Variants in ASCC3 observed in about 807,000 individuals in gnomAD.
The protein encoded by ASCC3 is ASC-1 complex subunit P200.
A neutral mutation model predicts 256.3 loss-of-function variants in ASCC3; 158 were observed. The ratio of observed to expected loss-of-function variants is 0.62; its 90% CI spans 0.54 to 0.70. The LOEUF (loss-of-function observed/expected upper bound fraction) is 0.70, where lower values mean the gene tolerates loss of function less well. ASCC3 is among the 30% of genes least tolerant of loss of function. The probability of loss-of-function intolerance (pLI) is 0.00; values close to 1 mark genes in which losing one functional copy is unlikely to be tolerated. For synonymous variants in ASCC3, 948 were observed against 883.4 expected, an observed-to-expected ratio of 1.07 and a Z score of -1.30; for missense variants, 2,259 against 2,626.0, an observed-to-expected ratio of 0.86 and a Z score of 3.05.
chr6:100,831,603 A>T (rs1771622732), intron 4 of ASCC3, among the ~76,000 whole-genome samples: 1 of 152,180 alleles, frequency 6.6e-6, no homozygotes, highest in African/African-American at 2.4e-5. Flanking sequence ...AAAAAAGTTG[A>T]ACTACCATCA....
intron 1 of ASCC3, among the ~76,000 whole-genome samples, chr6:100,878,735 G>T (rs936849749): frequency 2.0e-5 from 3 of 152,186 alleles, no homozygotes; most frequent in African/African-American, 7.2e-5. Context: ...CTGCCCTCTT[G>T]TGAGAGTGGA....
intron 5 of ASCC3, among the ~76,000 whole-genome samples, chr6:100,805,355 C>A (rs1350311785): frequency 6.6e-6 from 1 of 151,922 alleles, no homozygotes; most frequent in Non-Finnish European, 1.5e-5. Flanking sequence ...CTAGGGATTC[C>A]AAAAGGGGAG....
chr6:100,565,917 C>CT (rs1301421089), intron 36 of ASCC3, among the ~76,000 whole-genome samples: 3 of 152,002 alleles, frequency 2.0e-5, no homozygotes, highest in South Asian at 2.1e-4. Flanking sequence ...AGACTGTGTA[C>CT]TTTTTTTTAT....
chr6:100,627,450 A>G, intron 29 of ASCC3, 140 bp downstream of exon 29: 2 of 1,108,356 alleles, frequency 1.8e-6, no homozygotes, highest in Non-Finnish European at 2.6e-6. Context: ...GTATTCCTTA[A>G]CAGTTGAGAC....
At chr6:100,668,001 A>G (rs1459777406) in intron 14 of ASCC3, among the ~76,000 whole-genome samples, 2 of 152,084 alleles carry the variant, frequency 1.3e-5, no homozygotes, top group African/African-American at 4.8e-5. Flanking sequence ...AAAAATAGAC[A>G]GTGGCCATTA....
intron 4 of ASCC3, among the ~76,000 whole-genome samples, chr6:100,846,954 G>C (rs913477888): frequency 6.6e-6 from 1 of 151,982 alleles, no homozygotes; most frequent in Non-Finnish European, 1.5e-5. Flanking sequence ...TTTATGTTCA[G>C]TAAATAGCAC....
intron 34 of ASCC3, among the ~76,000 whole-genome samples, chr6:100,592,149 A>AG (rs1345484368): frequency 6.6e-6 from 1 of 151,830 alleles, no homozygotes; most frequent in African/African-American, 2.4e-5. Context: ...CCAAAAAAAA[A>AG]AAAAAATCAA....
chr6:100,800,206 C>T, intron 6 of ASCC3, 94 bp downstream of exon 6: 6 of 1,365,326 alleles, frequency 4.4e-6, no homozygotes, highest in Non-Finnish European at 5.2e-6. Flanking sequence ...AAGTAAAAAT[C>T]ATCTATACTG....
chr6:100,533,377 A>G (rs1203754900), intron 37 of ASCC3, among the ~76,000 whole-genome samples: 8 of 152,226 alleles, frequency 5.3e-5, no homozygotes, highest in Non-Finnish European at 1.0e-4. Flanking sequence ...AACTTTTACT[A>G]GGGCTGAAAA....
Position 100,805,890 on chromosome 6 carries a change from A to G in ASCC3, c.802-10T>C. The stretch of plus-strand genomic sequence containing the variant: ...CCAGCAGTTCAAATAGCTTATAAAA[A>G]GAGAAAAAAGTAACAAACATCAGTT... On this transcript the variant is annotated splice_polypyrimidine_tract_variant and intron_variant, in intron 4 of 41. Transcript: ENST00000369162. The G allele has an allele frequency of 6.2e-7, 1 of 1,609,496 alleles. No homozygotes were observed. Among genetic ancestry groups the G allele is most frequent in the East Asian group, 2.2e-5 (1 of 44,640 alleles).
At chr6:100,715,712 A>C (rs1006869428) in intron 12 of ASCC3, among the ~76,000 whole-genome samples, 179 bp from the exon 13 acceptor site, 1 of 151,742 alleles carries the variant, frequency 6.6e-6, no homozygotes, top group Non-Finnish European at 1.5e-5. Flanking sequence ...TATGCAACGC[A>C]ACTTAAAAGT....
At chr6:100,524,930 G>A (rs765494708) in intron 37 of ASCC3, among the ~76,000 whole-genome samples, 5 of 151,632 alleles carry the variant, frequency 3.3e-5, no homozygotes, top group Non-Finnish European at 5.9e-5. Context: ...AGTGGCTCAC[G>A]CCTGTAATCC....
chr6:100,723,085 C>T (rs543873865), intron 11 of ASCC3, among the ~76,000 whole-genome samples: 2 of 151,658 alleles, frequency 1.3e-5, no homozygotes, highest in South Asian at 2.1e-4. Flanking sequence ...AATTCCATTT[C>T]GTTTTTATTT....
chr6:100,823,471 T>A (rs952964391), intron 4 of ASCC3, among the ~76,000 whole-genome samples: 5 of 152,200 alleles, frequency 3.3e-5, no homozygotes, highest in Non-Finnish European at 7.4e-5. Flanking sequence ...AGTTTCACTA[T>A]TCTGGCAATA....
In ASCC3 at chr6:100,605,582, G is replaced by C. The variant is rs998995787; in HGVS notation, c.5163C>G (p.Phe1721Leu). 5 of 1,516,110 alleles carry C rather than the reference G, an allele frequency of 3.3e-6. No individual in the cohort carries two copies. The highest frequency in any genetic ancestry group is 4.6e-6 in the Non-Finnish European group (5 of 1,091,648). 93.9% of individuals were successfully genotyped at this position (1,516,110 alleles called of 1,614,324 possible). The change falls in exon 33 of 42, where the codon TTC becomes TTG. Residue 1721 changes from phenylalanine (F) to leucine (L), a missense_variant. Physicochemically the swap from Phe to Leu is conservative, Grantham distance 22. This residue lies in a region of ASCC3 where 1,839 missense variants were observed against 2,206.7 expected (regional missense o/e 0.83). Coordinates refer to ENST00000369162, the MANE Select transcript of ASCC3 (RefSeq NM_006828.4). ...ATAAGATTTACCTTGATTCTACTGGGAAAGGTTCATAAAGAAATTTTTTAT... is the reference window on the plus strand; with the variant it reads ...ATAAGATTTACCTTGATTCTACTGGCAAAGGTTCATAAAGAAATTTTTTAT... ...DFYKKFLYEP[F>L]PVESSLLGVL...
chr6:100,832,162 A>C (rs1380864340), intron 4 of ASCC3, among the ~76,000 whole-genome samples: 2 of 152,158 alleles, frequency 1.3e-5, no homozygotes, highest in Admixed American at 6.5e-5. Context: ...TATAGCCTGG[A>C]ATGTTCTAGG....
intron 4 of ASCC3, among the ~76,000 whole-genome samples, chr6:100,832,021 T>A (rs75797830): frequency 0.016 from 2,459 of 152,076 alleles, 70 homozygotes; most frequent in African/African-American, 0.057. Context: ...CAGAAGTAAA[T>A]AGATTTTAAA....
At chr6:100,707,415 T>C (rs1201769305) in intron 13 of ASCC3, among the ~76,000 whole-genome samples, 2 of 152,130 alleles carry the variant, frequency 1.3e-5, no homozygotes, top group Non-Finnish European at 2.9e-5. Flanking sequence ...ATAAAATGCA[T>C]CAATAAAATG....
chr6:100,675,878 T>A (rs1475664160), intron 14 of ASCC3, among the ~76,000 whole-genome samples: 1 of 152,078 alleles, frequency 6.6e-6, no homozygotes, highest in Non-Finnish European at 1.5e-5. Flanking sequence ...AACAGAAAAA[T>A]TTGATTTGAT....
Sources: allele counts gnomAD v4.1 joint callset (sites outside exome capture counted in the v4.1 genomes callset), GRCh38; gene constraint gnomAD v4.1.1; regional missense constraint gnomAD v4.1.1; transcripts MANE v1.5; gene names NCBI Gene and HGNC (gene_info 2026-07-23, HGNC 2026-07-21).